Variants in PIGK observed in about 807,000 individuals in gnomAD.
The protein encoded by PIGK is phosphatidylinositol glycan anchor biosynthesis class K, also known as GPI-anchor transamidase.
A neutral mutation model predicts 50.6 loss-of-function variants in PIGK; 42 were observed. The ratio of observed to expected loss-of-function variants is 0.83; its 90% CI spans 0.65 to 1.07. PIGK has a LOEUF of 1.07. Ranked by LOEUF, PIGK falls within the 50% of genes least tolerant of loss-of-function variation. The pLI, the probability that PIGK is intolerant of heterozygous loss-of-function variation, is 0.00. For synonymous variants in PIGK, 151 were observed against 156.0 expected (o/e 0.97, Z 0.24); for missense variants, 448 against 488.7 (o/e 0.92, Z 0.78).
intron 3 of PIGK, among the ~76,000 whole-genome samples, chr1:77,175,580 A>G (rs1655466437): frequency 6.6e-6 from 1 of 152,210 alleles, no homozygotes; most frequent in African/African-American, 2.4e-5. Flanking sequence ...AAAAAAAATT[A>G]TAAGAAAGCA....
At chr1:77,176,781 TA>T (rs1328484256) in intron 3 of PIGK, among the ~76,000 whole-genome samples, 1 of 152,194 alleles carries the variant, frequency 6.6e-6, no homozygotes, top group Non-Finnish European at 1.5e-5. Flanking sequence ...CAAGATGACA[TA>T]AGTCCAATGT....
intron 10 of PIGK, among the ~76,000 whole-genome samples, chr1:77,100,253 T>A (rs1557791241): frequency 6.6e-6 from 1 of 152,198 alleles, no homozygotes; most frequent in African/African-American, 2.4e-5. Context: ...TAAATTGTAT[T>A]TTAAGGACAG....
intron 9 of PIGK, chr1:77,153,778 A>T (rs531084422): frequency 6.6e-6 from 1 of 152,110 alleles, no homozygotes; most frequent in Non-Finnish European, 1.5e-5. Flanking sequence ...CCATTTTTCA[A>T]TCCAAAAAAG....
intron 1 of PIGK, among the ~76,000 whole-genome samples, chr1:77,218,600 G>T (rs1327533160): frequency 2.6e-5 from 4 of 152,090 alleles, no homozygotes; most frequent in Non-Finnish European, 4.4e-5. Flanking sequence ...CTTTGCACAC[G>T]GATTTTCAAA....
rs565494971 is a variant in PIGK, at chr1:77,090,722, C to G, written c.*1652G>C. On this transcript the variant is annotated 3_prime_UTR_variant, in exon 11 of 11. Coordinates refer to ENST00000370812, the MANE Select transcript of PIGK (RefSeq NM_005482.3). ...CAACATGGTCAATCTTTTTGTGTCT[C>G]AGTGCTACTATAATCAGTCTATTCA... 1.3e-5 allele frequency: 2 copies of G among 152,348 alleles called. No homozygotes were observed. Among genetic ancestry groups the G allele is most frequent in the South Asian group, 4.1e-4 (2 of 4,828 alleles). The allele number at this position is 152,348 out of a possible 1,614,324, so 9.4% of individuals were successfully genotyped here. A position where few individuals can be genotyped will look rare whatever the true frequency, so the allele number is the denominator to read the frequency against.
intron 10 of PIGK, among the ~76,000 whole-genome samples, chr1:77,119,053 T>C (rs1300257987): frequency 6.6e-6 from 1 of 152,342 alleles, no homozygotes; most frequent in Non-Finnish European, 1.5e-5. Context: ...CCTTTGTCCA[T>C]ATAATATTTA....
chr1:77,130,404 T>C (rs533470906), intron 9 of PIGK, among the ~76,000 whole-genome samples: 2 of 151,246 alleles, frequency 1.3e-5, no homozygotes, highest in South Asian at 4.2e-4. Context: ...TTACGTACAG[T>C]GTAAAGGGGA....
At chr1:77,158,672 C>T (rs1361668456) in intron 8 of PIGK, among the ~76,000 whole-genome samples, 2 of 152,112 alleles carry the variant, frequency 1.3e-5, no homozygotes, top group Non-Finnish European at 2.9e-5. Context: ...CAGTATTTTG[C>T]CCCTGCCCTA....
chr1:77,190,384 G>C (rs1377482281), intron 3 of PIGK, among the ~76,000 whole-genome samples: 1 of 152,056 alleles, frequency 6.6e-6, no homozygotes, highest in East Asian at 1.9e-4. Context: ...CTGTGCAACA[G>C]AGCAAGACCT....
intron 1 of PIGK, 79 bp from the exon 2 acceptor site, chr1:77,210,568 G>A: frequency 1.2e-6 from 1 of 831,130 alleles, no homozygotes; most frequent in Non-Finnish European, 1.9e-6. Flanking sequence ...TGAGACTCGT[G>A]TAGTTTTTAC....
At chr1:77,193,472 T>G (rs1655960650) in intron 3 of PIGK, among the ~76,000 whole-genome samples, 1 of 152,172 alleles carries the variant, frequency 6.6e-6, no homozygotes, top group Admixed American at 6.5e-5. Context: ...CAAGAATCAT[T>G]GCACTCTGGA....
intron 10 of PIGK, among the ~76,000 whole-genome samples, chr1:77,114,402 T>C (rs1221091324): frequency 6.6e-6 from 1 of 152,148 alleles, no homozygotes; most frequent in Non-Finnish European, 1.5e-5. Context: ...TTTACAGTTG[T>C]ACAACAAAAA....
intron 3 of PIGK, among the ~76,000 whole-genome samples, chr1:77,200,226 T>C (rs776825003): frequency 2.0e-4 from 31 of 151,882 alleles, no homozygotes; most frequent in Non-Finnish European, 4.4e-4. Flanking sequence ...TACAAAAGGG[T>C]TGAAGTACAG....
chr1:77,155,542 A>G (rs923016009), intron 8 of PIGK, among the ~76,000 whole-genome samples: 1 of 152,212 alleles, frequency 6.6e-6, no homozygotes, highest in Non-Finnish European at 1.5e-5. Flanking sequence ...ACTTCAGAAA[A>G]GGATAAACTT....
At position 77,104,350 on chromosome 1, in the gene PIGK, CAT is replaced by C. The variant is rs577075087; in HGVS notation, c.1072-11862_1072-11861del. Among the ~76,000 whole-genome samples the C allele has an allele frequency of 4.5e-3, 687 of 151,808 alleles. 3 individuals are homozygous for C. The highest frequency in any genetic ancestry group is 7.3e-3 in the Non-Finnish European group (496 of 67,940). ...TCAAATGTAAAGAAAAACATGAACA[CAT>C]GAGGAGAGAAATAGAATATTTAAAT... On this transcript the variant is annotated intron_variant, in intron 10 of 10. Coordinates refer to ENST00000370812, the MANE Select transcript of PIGK (RefSeq NM_005482.3).
chr1:77,199,097 A>C (rs762934566), intron 3 of PIGK, among the ~76,000 whole-genome samples: 18 of 152,080 alleles, frequency 1.2e-4, no homozygotes, highest in Non-Finnish European at 1.8e-4. Flanking sequence ...AACCCCATTC[A>C]TGGTCTTGTT....
chr1:77,183,898 G>C (rs1354267582), intron 3 of PIGK, among the ~76,000 whole-genome samples: 2 of 152,172 alleles, frequency 1.3e-5, no homozygotes, highest in African/African-American at 2.4e-5. Context: ...CATCCCAGCA[G>C]AGAGGATCCA....
chr1:77,101,528 G>A (rs927270919), intron 10 of PIGK, among the ~76,000 whole-genome samples: 1 of 152,118 alleles, frequency 6.6e-6, no homozygotes, highest in African/African-American at 2.4e-5. Flanking sequence ...AGGCCAATTT[G>A]TCTTAGTTAT....
At chr1:77,151,602 A>G (rs1654895133) in intron 9 of PIGK, among the ~76,000 whole-genome samples, 1 of 152,172 alleles carries the variant, frequency 6.6e-6, no homozygotes. Context: ...AAAAACCTAA[A>G]GAGTCCACCA....
Sources: gnomAD v4.1 joint callset for allele counts (sites outside exome capture counted in the v4.1 genomes callset) on GRCh38, gnomAD v4.1.1 for gene constraint, MANE v1.5 for transcripts, NCBI Gene and HGNC (gene_info 2026-07-23, HGNC 2026-07-21) for gene names.